Variants in FRY observed in about 807,000 individuals in gnomAD.
The protein encoded by FRY is protein furry homolog.
In FRY, 128 loss-of-function variants were observed where a neutral mutation model predicts 348.4. The observed-to-expected ratio is 0.37, with a 90% CI of 0.32 to 0.43. The LOEUF is 0.43. FRY is among the 20% of genes least tolerant of loss of function. FRY has a pLI of 1.00. For synonymous variants in FRY, 1,370 were observed against 1,374.7 expected (o/e 1.00, Z 0.08); for missense variants, 2,736 against 3,695.2 (o/e 0.74, Z 6.73).
At chr13:32,222,580 G>C (rs991973600) in intron 36 of FRY, among the ~76,000 whole-genome samples, 2 of 152,188 alleles carry the variant, frequency 1.3e-5, no homozygotes, top group Admixed American at 6.5e-5. Context: ...AGTTAAGGAG[G>C]CCATTGCAGT....
intron 53 of FRY, among the ~76,000 whole-genome samples, chr13:32,264,957 G>C (rs1887843778): frequency 6.6e-6 from 1 of 152,218 alleles, no homozygotes; most frequent in Non-Finnish European, 1.5e-5. Context: ...GGGGTTCTAT[G>C]TTAGAGAATT....
At chr13:32,079,123 C>A in intron 2 of FRY, 90 bp downstream of exon 2, 1 of 932,010 alleles carries the variant, frequency 1.1e-6, no homozygotes, top group Non-Finnish European at 1.8e-6. Flanking sequence ...AGATGGATTG[C>A]TTTTCCTCTG....
intron 3 of FRY, among the ~76,000 whole-genome samples, chr13:32,116,446 C>A (rs1029849731): frequency 1.3e-5 from 2 of 152,122 alleles, no homozygotes; most frequent in Admixed American, 1.3e-4. Context: ...TAACTGAATT[C>A]TTCTAAAAGC....
chr13:32,105,245 G>C (rs969295705), intron 3 of FRY, among the ~76,000 whole-genome samples: 1 of 152,200 alleles, frequency 6.6e-6, no homozygotes, highest in African/African-American at 2.4e-5. Flanking sequence ...TCTTATAAAA[G>C]GTCTTGACAG....
intron 11 of FRY, among the ~76,000 whole-genome samples, chr13:32,138,019 A>G (rs1178109829): frequency 6.6e-6 from 1 of 152,232 alleles, no homozygotes; most frequent in Admixed American, 6.5e-5. Context: ...GCAGTGAAAT[A>G]TAATAGCAGT....
At chr13:32,176,408 C>G (rs1566112390) in intron 20 of FRY, among the ~76,000 whole-genome samples, 1 of 152,134 alleles carries the variant, frequency 6.6e-6, no homozygotes, top group Non-Finnish European at 1.5e-5. Context: ...AGATACTTGT[C>G]AGATAATTAT....
At chr13:32,149,951 T>C in intron 14 of FRY, 117 bp downstream of exon 14, 1 of 715,960 alleles carries the variant, frequency 1.4e-6, no homozygotes. Context: ...TTCTATTTGT[T>C]TCTGTCAATG....
chr13:32,194,228 G>T lies in FRY; in HGVS notation c.3677G>T (p.Arg1226Leu). ...AATCTTTTTAACTGGGCAATTGACC[G>T]ATGCTACACAGGTTCCTACCAACTT... ...QINLFNWAID[R>L]CYTGSYQLAS... Residue 1226 changes from arginine (R) to leucine (L), a missense_variant, in exon 29 of 61, where the codon CGA (arginine) becomes CTA (leucine). Physicochemically the swap from Arg to Leu is moderately radical, Grantham distance 102 (BLOSUM62 -2). Around this residue, in one of 9 missense-constraint regions of FRY, gnomAD observed 794 missense variants for 977.0 expected, o/e 0.81. Coordinates refer to ENST00000542859, the MANE Select transcript of FRY (RefSeq NM_023037.3). The T allele has an allele frequency of 6.2e-7, 1 of 1,613,902 alleles. No individual in the cohort carries two copies. Among genetic ancestry groups the T allele is most frequent in the Non-Finnish European group, 8.5e-7 (1 of 1,179,864 alleles).
At chr13:32,060,741 G>C (rs1873894872) in intron 1 of FRY, 1 of 185,622 alleles carries the variant, frequency 5.4e-6, no homozygotes. Flanking sequence ...TCATGTTCCT[G>C]GAGTGCTTTG....
At chr13:32,034,468 G>T (rs1872406376) in intron 1 of FRY, among the ~76,000 whole-genome samples, 1 of 152,132 alleles carries the variant, frequency 6.6e-6, no homozygotes, top group Non-Finnish European at 1.5e-5. Context: ...AATGGAGGTG[G>T]GAATTAAAAT....
intron 1 of FRY, among the ~76,000 whole-genome samples, chr13:32,054,189 A>T (rs1481443977): frequency 6.6e-6 from 1 of 151,080 alleles, no homozygotes; most frequent in East Asian, 2.0e-4. Flanking sequence ...TGTTAACAGG[A>T]TGTCATCTTG....
intron 1 of FRY, among the ~76,000 whole-genome samples, chr13:32,033,908 T>G (rs1276805707): frequency 1.3e-5 from 2 of 152,216 alleles, no homozygotes; most frequent in African/African-American, 4.8e-5. Flanking sequence ...TTGCTAAGTT[T>G]TACATATTTT....
chr13:32,275,900 T>C (rs1191335989), intron 56 of FRY, among the ~76,000 whole-genome samples: 3 of 151,358 alleles, frequency 2.0e-5, no homozygotes, highest in South Asian at 2.1e-4. Flanking sequence ...TTAGCCCCCA[T>C]GATATGACAG....
At chr13:32,186,806 A>G (rs1048292249) in intron 27 of FRY, among the ~76,000 whole-genome samples, 1 of 152,180 alleles carries the variant, frequency 6.6e-6, no homozygotes, top group African/African-American at 2.4e-5. Flanking sequence ...AACTAGGACT[A>G]TTCAAAATCT....
At chr13:32,086,649 C>T (rs1875881889) in intron 2 of FRY, among the ~76,000 whole-genome samples, 1 of 152,082 alleles carries the variant, frequency 6.6e-6, no homozygotes, top group East Asian at 1.9e-4. Flanking sequence ...GAAATTCTAA[C>T]TTGCCTGACA....
At chr13:32,148,063 T>G (rs1880564926) in intron 13 of FRY, 116 bp downstream of exon 13, 2 of 727,292 alleles carry the variant, frequency 2.7e-6, no homozygotes, top group Admixed American at 2.0e-5. Context: ...GTGTTTAGAC[T>G]TCTGTGAAAG....
chr13:32,218,446 C>T (rs552759597), intron 35 of FRY, among the ~76,000 whole-genome samples: 5 of 152,172 alleles, frequency 3.3e-5, no homozygotes, highest in South Asian at 2.1e-4. Context: ...TCTGGGAGGC[C>T]GAAGCGGGCG....
chr13:32,215,714 C>T (rs1403569163), intron 35 of FRY, among the ~76,000 whole-genome samples: 1 of 152,120 alleles, frequency 6.6e-6, no homozygotes, highest in Non-Finnish European at 1.5e-5. Context: ...GGAATACAGA[C>T]ATGTGTCACC....
chr13:32,261,848 G>A, intron 52 of FRY, 32 bp downstream of exon 52: 1 of 1,597,518 alleles, frequency 6.3e-7, no homozygotes, highest in South Asian at 1.1e-5. Context: ...CTAAGAATTG[G>A]GAGGCTTATT....
Sources: allele counts gnomAD v4.1 joint callset (sites outside exome capture counted in the v4.1 genomes callset), GRCh38; gene constraint gnomAD v4.1.1; regional missense constraint gnomAD v4.1.1; transcripts MANE v1.5; gene names NCBI Gene and HGNC (gene_info 2026-07-23, HGNC 2026-07-21).